NME9: variants seen among roughly 807,000 people sequenced by gnomAD.
The protein encoded by NME9 is NME/NM23 family member 9, also known as thioredoxin domain-containing protein 6.
NME9 carries 48 observed loss-of-function variants against 44.4 expected under a neutral mutation model. The ratio of observed to expected loss-of-function variants is 1.08; its 90% CI spans 0.86 to 1.37. NME9 has a LOEUF of 1.37. Ranked by LOEUF, NME9 falls within the 40% of genes most tolerant of loss-of-function variation. The pLI is 0.00. For synonymous variants in NME9, 139 were observed against 147.1 expected (o/e 0.94, Z 0.40); for missense variants, 325 against 405.2 (o/e 0.80, Z 1.70).
At chr3:138,322,681 C>T (rs2053548884) in intron 2 of NME9, among the ~76,000 whole-genome samples, 1 of 152,156 alleles carries the variant, frequency 6.6e-6, no homozygotes, top group African/African-American at 2.4e-5. Context: ...TATTTATATG[C>T]TCCATATCTA....
intron 8 of NME9, chr3:138,290,732 T>TTA (rs572112458): frequency 6.9e-4 from 546 of 788,210 alleles, no homozygotes; most frequent in Non-Finnish European, 1.0e-3. Context: ...GCCATACTTT[T>TTA]TAAAATCTTT....
intron 8 of NME9, among the ~76,000 whole-genome samples, chr3:138,293,572 A>AG (rs2108399854): frequency 1.3e-5 from 2 of 152,074 alleles, no homozygotes; most frequent in African/African-American, 4.8e-5. Flanking sequence ...GAACTAAAAA[A>AG]CTGCAGCCCA....
At position 138,315,418 on chromosome 3, in the gene NME9, C is replaced by T. The variant is rs146293895; in HGVS notation, c.384+109G>A. ...AGACCCAGGTGAAACTTTTATGAAG[C>T]TGTCCACCGACAGCTCCAGGAAAGT... On this transcript the variant is annotated intron_variant, in intron 5 of 10. Coordinates refer to ENST00000333911, the MANE Select transcript of NME9 (RefSeq NM_001349018.2). The T allele has an allele frequency of 5.5e-4, 383 of 696,548 alleles. 1 individual carries two copies. In the African/African-American group the frequency reaches 6.1e-3, roughly 11 times the overall value. 43.1% of individuals were successfully genotyped at this position (696,548 alleles called of 1,614,324 possible). A position where few individuals can be genotyped will look rare whatever the true frequency, so the allele number is the denominator to read the frequency against.
chr3:138,294,417 A>G (rs577044561), intron 8 of NME9, among the ~76,000 whole-genome samples: 2 of 152,240 alleles, frequency 1.3e-5, no homozygotes, highest in East Asian at 3.9e-4. Context: ...TCATTCATAA[A>G]CTTGTTTCTG....
At chr3:138,287,818 A>G (rs762004172) in intron 8 of NME9, 1 of 376,858 alleles carries the variant, frequency 2.7e-6, no homozygotes, top group Non-Finnish European at 5.4e-6. Flanking sequence ...TTTGCCATTG[A>G]TACTCTCTCA....
At chr3:138,292,927 T>C (rs984476471) in intron 8 of NME9, among the ~76,000 whole-genome samples, 8 of 152,082 alleles carry the variant, frequency 5.3e-5, no homozygotes, top group African/African-American at 1.7e-4. Context: ...GCGCATAAGG[T>C]GTCCAGAAAA....
intron 8 of NME9, among the ~76,000 whole-genome samples, chr3:138,281,150 C>T (rs1440749659): frequency 6.6e-6 from 1 of 152,030 alleles, no homozygotes; most frequent in African/African-American, 2.4e-5. Context: ...CCAGTCTCTG[C>T]TCTATTTCCT....
At chr3:138,275,282 G>A (rs1029461635) in intron 8 of NME9, among the ~76,000 whole-genome samples, 2 of 152,202 alleles carry the variant, frequency 1.3e-5, no homozygotes, top group African/African-American at 4.8e-5. Context: ...AGCTGGACGG[G>A]TACAGTGGCT....
chr3:138,286,533 C>T (rs1442919043), intron 8 of NME9, among the ~76,000 whole-genome samples: 2 of 152,168 alleles, frequency 1.3e-5, no homozygotes, highest in Non-Finnish European at 2.9e-5. Flanking sequence ...ACCCTTTTCT[C>T]TTCTCTTCTA....
At chr3:138,327,458 G>C (rs1473174067) in intron 1 of NME9, among the ~76,000 whole-genome samples, 1 of 152,140 alleles carries the variant, frequency 6.6e-6, no homozygotes, top group East Asian at 1.9e-4. Flanking sequence ...ACTCTGGGCA[G>C]TTGAAGAATC....
chr3:138,313,730 A>C (rs1207940129), intron 6 of NME9, among the ~76,000 whole-genome samples: 1 of 152,240 alleles, frequency 6.6e-6, no homozygotes, highest in Non-Finnish European at 1.5e-5. Context: ...TCATTAATTT[A>C]AAAGATTAAA....
chr3:138,287,528 T>G, intron 8 of NME9: 1 of 412,284 alleles, frequency 2.4e-6, no homozygotes, highest in Non-Finnish European at 5.0e-6. Flanking sequence ...TTATGCATAG[T>G]AAATGCATAT....
intron 2 of NME9, among the ~76,000 whole-genome samples, chr3:138,320,668 A>G (rs2053407503): frequency 1.3e-5 from 2 of 152,242 alleles, no homozygotes; most frequent in South Asian, 4.1e-4. Context: ...AAGGCTTCCC[A>G]TGAAGAGATG....
At chr3:138,282,232 T>C (rs1216981239) in intron 8 of NME9, among the ~76,000 whole-genome samples, 2 of 152,214 alleles carry the variant, frequency 1.3e-5, no homozygotes, top group African/African-American at 2.4e-5. Flanking sequence ...TAAAGCTTGC[T>C]AAGGCTTTCT....
At chr3:138,322,128 C>T (rs549123209) in intron 2 of NME9, among the ~76,000 whole-genome samples, 31 of 152,138 alleles carry the variant, frequency 2.0e-4, no homozygotes, top group Admixed American at 1.1e-3. Context: ...AAAGGGCATT[C>T]GGGTCAAGCC....
rs2051843182 is a variant in NME9, at chr3:138,301,493, C to T, written c.*147G>A. 1.4e-6 allele frequency: 2 copies of T among 1,425,794 alleles called. No homozygotes were observed. Among genetic ancestry groups the T allele is most frequent in the Admixed American group, 2.6e-5 (1 of 38,236 alleles). The allele number at this position is 1,425,794 out of a possible 1,614,324, so 88.3% of individuals were successfully genotyped here. Reference sequence around the variant, plus strand: ...GTGCTGGGATTACAGGTGTGAGTCACTGCGCCCAGCCATATTATTTTCATT... The same window carrying T: ...GTGCTGGGATTACAGGTGTGAGTCATTGCGCCCAGCCATATTATTTTCATT... On this transcript the variant is annotated 3_prime_UTR_variant, in exon 11 of 11. Coordinates refer to ENST00000333911, the MANE Select transcript of NME9 (RefSeq NM_001349018.2).
At chr3:138,323,139 G>A (rs536100667) in intron 2 of NME9, among the ~76,000 whole-genome samples, 30 of 152,224 alleles carry the variant, frequency 2.0e-4, no homozygotes, top group Non-Finnish European at 3.8e-4. Flanking sequence ...AATGCTGGCC[G>A]GGTGTGCTGG....
At chr3:138,303,370 G>A (rs3856635) in intron 10 of NME9, 137 bp downstream of exon 10, 28 of 594,042 alleles carry the variant, frequency 4.7e-5, no homozygotes, top group Non-Finnish European at 7.5e-5. Context: ...ATAATGACCT[G>A]TATTTTCAGA....
chr3:138,318,439 A>ACC (rs1467598642), intron 3 of NME9, among the ~76,000 whole-genome samples: 17 of 146,356 alleles, frequency 1.2e-4, no homozygotes, highest in African/African-American at 4.4e-4. Flanking sequence ...AGTATCTCCT[A>ACC]CCCGCCCCCC....
Sources: allele counts gnomAD v4.1 joint callset (sites outside exome capture counted in the v4.1 genomes callset), GRCh38; gene constraint gnomAD v4.1.1; transcripts MANE v1.5; gene names NCBI Gene and HGNC (gene_info 2026-07-23, HGNC 2026-07-21).